Variants in NAT1 observed in about 807,000 individuals in gnomAD.
NAT1 encodes the protein N-acetyltransferase 1, also known as arylamine N-acetyltransferase 1.
For synonymous variants in NAT1, 144 were observed against 122.6 expected (o/e 1.17, Z -1.16); for missense variants, 400 against 339.2 (o/e 1.18, Z -1.41).
At position 18,222,320 on chromosome 8, in the gene NAT1, G is replaced by C. The variant is rs1805395034; in HGVS notation, c.273G>C (p.Gly91=). The change falls in exon 3 of 3, where the codon GGG becomes GGC. Residue 91 remains glycine (G), a synonymous_variant. Coordinates refer to ENST00000307719, the MANE Select transcript of NAT1 (RefSeq NM_000662.8). The stretch of plus-strand genomic sequence containing the variant: ...GTTTTGAGACCACGATGTTGGGAGG[G>C]TATGTTTACAGCACTCCAGCCAAAA... The part of the protein sequence containing the change: ...TIGFETTMLG[G]YVYSTPAKKY... 3 of 1,614,066 alleles carry C rather than the reference G, an allele frequency of 1.9e-6. No homozygotes were observed. The highest frequency in any genetic ancestry group is 1.1e-5 in the South Asian group (1 of 91,066).
intron 2 of NAT1, among the ~76,000 whole-genome samples, chr8:18,187,899 T>A (rs1372381305): frequency 6.6e-6 from 1 of 150,426 alleles, no homozygotes; most frequent in East Asian, 2.0e-4. Flanking sequence ...AATCCATTTA[T>A]TCCCTCTCAA....
chr8:18,177,494 C>A (rs1022761685), intron 2 of NAT1, among the ~76,000 whole-genome samples: 28 of 151,990 alleles, frequency 1.8e-4, no homozygotes, highest in Non-Finnish European at 3.8e-4. Flanking sequence ...CCTGAATTCC[C>A]AGCTTATATT....
intron 2 of NAT1, among the ~76,000 whole-genome samples, chr8:18,182,528 A>G (rs552969714): frequency 6.6e-6 from 1 of 152,344 alleles, no homozygotes; most frequent in South Asian, 2.1e-4. Context: ...GTTTTTAAAA[A>G]GAAACTCTTT....
At chr8:18,221,059 T>TA (rs1563195724) in intron 2 of NAT1, among the ~76,000 whole-genome samples, 1 of 152,182 alleles carries the variant, frequency 6.6e-6, no homozygotes, top group Non-Finnish European at 1.5e-5. Flanking sequence ...TCACTTACAG[T>TA]AAAAACCAAA....
chr8:18,208,577 C>T (rs868774883), upstream of NAT1, among the ~76,000 whole-genome samples: 21 of 152,306 alleles, frequency 1.4e-4, no homozygotes, highest in Middle Eastern at 6.8e-3. Flanking sequence ...ATAGAACCTT[C>T]CAGTACTCAT....
chr8:18,201,526 C>T (rs1196736529), intron 2 of NAT1, among the ~76,000 whole-genome samples: 1 of 151,744 alleles, frequency 6.6e-6, no homozygotes, highest in African/African-American at 2.4e-5. Flanking sequence ...TCAAGACTCT[C>T]AGGGCCCCTC....
intron 2 of NAT1, among the ~76,000 whole-genome samples, chr8:18,172,879 T>G (rs544458666): frequency 6.6e-6 from 1 of 152,270 alleles, no homozygotes; most frequent in East Asian, 1.9e-4. Flanking sequence ...CAAGGTCACC[T>G]GCCAGGGAGA....
chr8:18,198,293 G>C (rs1395953727), intron 2 of NAT1, among the ~76,000 whole-genome samples: 1 of 152,182 alleles, frequency 6.6e-6, no homozygotes, highest in Non-Finnish European at 1.5e-5. Context: ...CATTATGAGA[G>C]AGGATGATCA....
rs374583577 is a variant in NAT1 at position 18,192,793 on chromosome 8, G to C, written n.93-16988G>C. Among the ~76,000 whole-genome samples the C allele has an allele frequency of 7.1e-4, 105 of 147,940 alleles. No homozygotes were observed. In the East Asian group the frequency reaches 0.011, roughly 16 times the overall value. On this transcript the variant is annotated intron_variant and non_coding_transcript_variant, in intron 2 of 4. Coordinates refer to the NAT1 transcript ENST00000517441. ...CCCATAGATGGGAATTGAACAACGAGAACACATGGACACAGGAAGGGGAAC... is the reference window on the plus strand; with the variant it reads ...CCCATAGATGGGAATTGAACAACGACAACACATGGACACAGGAAGGGGAAC...
intron 2 of NAT1, among the ~76,000 whole-genome samples, chr8:18,191,970 A>G (rs1393053128): frequency 6.6e-6 from 1 of 152,138 alleles, no homozygotes; most frequent in African/African-American, 2.4e-5. Context: ...AATGGCAACA[A>G]AAGCCAAAAT....
chr8:18,210,629 T>C (rs1377238104), intron 1 of NAT1, among the ~76,000 whole-genome samples: 1 of 152,214 alleles, frequency 6.6e-6, no homozygotes, highest in African/African-American at 2.4e-5. Flanking sequence ...GTGGTGTGTG[T>C]CCCAAAGGAC....
At chr8:18,184,108 G>C (rs1288228911) in intron 2 of NAT1, among the ~76,000 whole-genome samples, 1 of 152,142 alleles carries the variant, frequency 6.6e-6, no homozygotes, top group Non-Finnish European at 1.5e-5. Flanking sequence ...CTCTGTGGTG[G>C]CCCCACCCCT....
chr8:18,184,476 T>C (rs1802652168), intron 2 of NAT1, among the ~76,000 whole-genome samples: 2 of 152,228 alleles, frequency 1.3e-5, no homozygotes, highest in Non-Finnish European at 2.9e-5. Context: ...CCCACTTTCT[T>C]GATGAGTAAC....
chr8:18,217,406 G>A (rs2117391712), intron 1 of NAT1, among the ~76,000 whole-genome samples: 1 of 152,370 alleles, frequency 6.6e-6, no homozygotes, highest in Admixed American at 6.5e-5. Context: ...CTTGCTGGCT[G>A]AGTAAATGTA....
upstream of NAT1, chr8:18,209,830 A>C (rs1803906231): frequency 6.6e-6 from 1 of 152,188 alleles, no homozygotes; most frequent in African/African-American, 2.4e-5. Flanking sequence ...CACGTTCCAC[A>C]TCACACATGG....
chr8:18,210,967 G>A (rs1374917816), intron 1 of NAT1, among the ~76,000 whole-genome samples: 2 of 152,090 alleles, frequency 1.3e-5, no homozygotes, highest in African/African-American at 4.8e-5. Flanking sequence ...TAGAGATGGG[G>A]TTAATTTTTG....
intron 2 of NAT1, among the ~76,000 whole-genome samples, chr8:18,188,433 G>C (rs866017030): frequency 6.6e-6 from 1 of 152,110 alleles, no homozygotes; most frequent in African/African-American, 2.4e-5. Context: ...GCATGGGGGA[G>C]GAGGGCAAAA....
At chr8:18,206,950 T>C (rs1480349386), upstream of NAT1, among the ~76,000 whole-genome samples, 2 of 152,322 alleles carry the variant, frequency 1.3e-5, no homozygotes, top group African/African-American at 4.8e-5. Context: ...TTTGCCCATG[T>C]CTATTTCCTG....
intron 2 of NAT1, among the ~76,000 whole-genome samples, chr8:18,180,248 T>C (rs1802459201): frequency 6.6e-6 from 1 of 152,000 alleles, no homozygotes; most frequent in African/African-American, 2.4e-5. Flanking sequence ...GTTAGGAAAA[T>C]TAGTGCTAGA....
Sources: allele counts gnomAD v4.1 joint callset (sites outside exome capture counted in the v4.1 genomes callset), GRCh38; gene constraint gnomAD v4.1.1; transcripts MANE v1.5; gene names NCBI Gene and HGNC (gene_info 2026-07-23, HGNC 2026-07-21).